STXBP5L: variants seen among roughly 807,000 people sequenced by gnomAD.
STXBP5L encodes syntaxin binding protein 5L, also known as syntaxin-binding protein 5-like.
In STXBP5L, 65 loss-of-function variants were observed where a neutral mutation model predicts 144.5. The ratio of observed to expected loss-of-function variants is 0.45; its 90% confidence interval spans 0.37 to 0.55. The LOEUF (loss-of-function observed/expected upper bound fraction) is 0.55, where lower values mean the gene tolerates loss of function less well. Among genes scored for constraint, STXBP5L ranks in the 20% least tolerant of loss-of-function variants. STXBP5L has a pLI of 0.00. For synonymous variants in STXBP5L, 505 were observed against 469.6 expected (o/e 1.08, Z -0.97); for missense variants, 1,298 against 1,405.5 (o/e 0.92, Z 1.22).
At chr3:120,931,842 A>G (rs1331608352) in intron 2 of STXBP5L, among the ~76,000 whole-genome samples, 1 of 152,184 alleles carries the variant, frequency 6.6e-6, no homozygotes, top group Non-Finnish European at 1.5e-5. Flanking sequence ...TGTATTTGTT[A>G]TGTAATTGTT....
chr3:121,177,672 G>C (rs904237300), intron 9 of STXBP5L, among the ~76,000 whole-genome samples: 3 of 152,176 alleles, frequency 2.0e-5, no homozygotes, highest in Non-Finnish European at 4.4e-5. Context: ...TTTGTGCACT[G>C]TTGGTGCAAA....
rs72968862 is a variant in STXBP5L at position 121,066,311 on chromosome 3, C to T, written c.470+20776C>T. Among the ~76,000 whole-genome samples the T allele has an allele frequency of 2.5e-3, 380 of 151,400 alleles. 2 individuals carry two copies. Among genetic ancestry groups the T allele is most frequent in the African/African-American group, 8.6e-3 (356 of 41,266 alleles). ...TATTTGCTGGAAGATTTTTGGTAGACGTTCTTTGTAAGATTAAGAAAGTTT... is the reference window on the plus strand; with the variant it reads ...TATTTGCTGGAAGATTTTTGGTAGATGTTCTTTGTAAGATTAAGAAAGTTT... On this transcript the variant is annotated intron_variant, in intron 5 of 26. Coordinates refer to ENST00000471454, the MANE Select transcript of STXBP5L (RefSeq NM_001308330.2).
chr3:121,240,950 CA>C (rs1402552481), intron 14 of STXBP5L, among the ~76,000 whole-genome samples: 1 of 151,910 alleles, frequency 6.6e-6, no homozygotes, highest in Non-Finnish European at 1.5e-5. Flanking sequence ...ATATTAGGAA[CA>C]AAAATAGAGA....
intron 21 of STXBP5L, among the ~76,000 whole-genome samples, chr3:121,379,134 G>A (rs2046265637): frequency 1.3e-5 from 2 of 152,040 alleles, no homozygotes; most frequent in Non-Finnish European, 2.9e-5. Context: ...TACAAAGGGA[G>A]ACCTATGCCT....
chr3:121,264,562 C>T (rs960007585), intron 18 of STXBP5L, among the ~76,000 whole-genome samples: 6 of 151,982 alleles, frequency 3.9e-5, no homozygotes, highest in Non-Finnish European at 5.9e-5. Flanking sequence ...AAGAAACTGC[C>T]ATCAACTAAC....
In STXBP5L at chr3:121,121,628, AT is replaced by A; in HGVS notation, c.606-11del. On this transcript the variant is annotated splice_polypyrimidine_tract_variant and intron_variant, in intron 6 of 26. Coordinates refer to ENST00000471454, the MANE Select transcript of STXBP5L (RefSeq NM_001308330.2). ...GTTTGGTTTTTAATTACTGTTTTGA[AT>A]TGATTTAACAGATCCACTAAGACTC... 6.3e-7 allele frequency: 1 copy of A among 1,583,716 alleles called. No individual in the cohort carries two copies. The highest frequency in any genetic ancestry group is 2.2e-5 in the East Asian group (1 of 44,476).
chr3:121,294,538 C>T (rs929478490), intron 19 of STXBP5L, among the ~76,000 whole-genome samples: 2 of 151,532 alleles, frequency 1.3e-5, no homozygotes, highest in South Asian at 4.2e-4. Context: ...GAGTCTTTAG[C>T]ATATAGGTGG....
intron 23 of STXBP5L, among the ~76,000 whole-genome samples, chr3:121,408,261 C>G (rs2047038913): frequency 6.6e-6 from 1 of 151,860 alleles, no homozygotes; most frequent in Non-Finnish European, 1.5e-5. Flanking sequence ...AAATAATTAC[C>G]TAATGATTTT....
At chr3:121,237,951 C>T (rs2108327750) in intron 12 of STXBP5L, among the ~76,000 whole-genome samples, 1 of 152,312 alleles carries the variant, frequency 6.6e-6, no homozygotes, top group South Asian at 2.1e-4. Flanking sequence ...GCCCATATTT[C>T]TGTCAGTATT....
intron 5 of STXBP5L, among the ~76,000 whole-genome samples, chr3:121,055,856 A>AT (rs1156845913): frequency 7.2e-6 from 1 of 138,726 alleles, no homozygotes; most frequent in Non-Finnish European, 1.6e-5. Context: ...GACTAATGTT[A>AT]ATTTTTTTTT....
At chr3:120,914,967 G>T (rs1009556886) in intron 2 of STXBP5L, among the ~76,000 whole-genome samples, 1 of 152,088 alleles carries the variant, frequency 6.6e-6, no homozygotes, top group Non-Finnish European at 1.5e-5. Context: ...GTAGGGGCAG[G>T]CTTGAGTAAA....
At chr3:120,911,629 CA>C (rs1708846023) in intron 2 of STXBP5L, among the ~76,000 whole-genome samples, 1 of 151,984 alleles carries the variant, frequency 6.6e-6, no homozygotes. Flanking sequence ...TTTGTAAAAT[CA>C]CGTGTTCATA....
chr3:121,289,023 T>C (rs569553324), intron 19 of STXBP5L, among the ~76,000 whole-genome samples: 1 of 152,242 alleles, frequency 6.6e-6, no homozygotes, highest in East Asian at 1.9e-4. Flanking sequence ...CCAGGCACTA[T>C]ACTTATTACT....
At chr3:121,249,225 C>T (rs143712603) in intron 14 of STXBP5L, among the ~76,000 whole-genome samples, 8 of 151,972 alleles carry the variant, frequency 5.3e-5, no homozygotes, top group Admixed American at 3.3e-4. Context: ...TTGCTTTGGG[C>T]GTATGACCAT....
intron 5 of STXBP5L, among the ~76,000 whole-genome samples, chr3:121,077,004 C>T (rs1240431736): frequency 1.3e-5 from 2 of 152,158 alleles, no homozygotes; most frequent in African/African-American, 2.4e-5. Context: ...CCCATACTCT[C>T]CTTGGAGCAC....
chr3:121,350,908 C>T (rs1429381103), intron 20 of STXBP5L, among the ~76,000 whole-genome samples: 1 of 152,098 alleles, frequency 6.6e-6, no homozygotes, highest in African/African-American at 2.4e-5. Context: ...GTTTGAACTT[C>T]CTCCTTTAGG....
At position 120,964,424 on chromosome 3, in the gene STXBP5L, C is replaced by T. The variant is rs949810746; in HGVS notation, c.287+9387C>T. 1.3e-5 allele frequency among the ~76,000 whole-genome samples: 2 copies of T among 152,158 alleles called. 1 individual carries two copies. Among genetic ancestry groups the T allele is most frequent in the South Asian group, 4.1e-4 (2 of 4,826 alleles). On this transcript the variant is annotated intron_variant, in intron 3 of 26. Transcript: ENST00000471454. ...TTGTGGGCTTTTAGTGCTATACATA[C>T]CCTCTATACACTGCTTAAATGTGTC...
intron 20 of STXBP5L, among the ~76,000 whole-genome samples, chr3:121,341,195 C>T (rs557777530): frequency 3.3e-5 from 5 of 152,028 alleles, no homozygotes; most frequent in Admixed American, 1.3e-4. Flanking sequence ...TTAAAATGGG[C>T]AAAAAATCTG....
At chr3:120,983,607 G>A (rs1181322115) in intron 3 of STXBP5L, among the ~76,000 whole-genome samples, 1 of 152,104 alleles carries the variant, frequency 6.6e-6, no homozygotes, top group Non-Finnish European at 1.5e-5. Context: ...GTAATTTCTA[G>A]GCAGTTCCCT....
Sources: gnomAD v4.1 joint callset for allele counts (sites outside exome capture counted in the v4.1 genomes callset) on GRCh38, gnomAD v4.1.1 for gene constraint, MANE v1.5 for transcripts, NCBI Gene and HGNC (gene_info 2026-07-23, HGNC 2026-07-21) for gene names.